Variants in DCTN5 observed in about 807,000 individuals in gnomAD.
DCTN5 encodes dynactin subunit 5.
A neutral mutation model predicts 23.5 loss-of-function variants in DCTN5; 14 were observed. The ratio of observed to expected loss-of-function variants is 0.60; its 90% confidence interval spans 0.39 to 0.93. The LOEUF is 0.93. Among genes scored for constraint, DCTN5 ranks in the 40% least tolerant of loss-of-function variants. The pLI is 0.00. For missense variants in DCTN5, 156 were observed against 225.9 expected, an observed-to-expected ratio of 0.69 and a Z score of 1.98; for synonymous variants, 67 against 79.6, an observed-to-expected ratio of 0.84 and a Z score of 0.84.
At chr16:23,646,874 C>A (rs1489837411) in intron 2 of DCTN5, among the ~76,000 whole-genome samples, 3 of 152,158 alleles carry the variant, frequency 2.0e-5, no homozygotes, top group Non-Finnish European at 4.4e-5. Flanking sequence ...CTGTACCCAG[C>A]TTGAGTAATT....
At position 23,665,627 on chromosome 16, in the gene DCTN5, G is replaced by GGC; in HGVS notation, c.353_354dup (p.Arg119AlafsTer5). On this transcript the variant is annotated frameshift_variant and splice_region_variant, in exon 5 of 6. Transcript: ENST00000300087. LOFTEE classifies it high-confidence loss of function. ...CTATTAACAAGATTTTAATTTCAGG[G>GGC]GCGCCGATGTGTGTTGAAAGACTGC... 6.2e-7 allele frequency: 1 copy of GGC among 1,610,590 alleles called. No homozygotes were observed. The highest frequency in any genetic ancestry group is 8.5e-7 in the Non-Finnish European group (1 of 1,179,244).
chr16:23,645,110 TATATATATATATATATATATATATATA>T lies in DCTN5; in HGVS notation c.117+2088_117+2114del, dbSNP rs1392021353. ...ATATATATATATATATATATATATA[TATATATATATATATATATATATATATA>T]TTTTTTTTTTTTTTAATACGCAGTT... On this transcript the variant is annotated intron_variant, in intron 2 of 5. Coordinates refer to ENST00000300087, the MANE Select transcript of DCTN5 (RefSeq NM_032486.4). Among the ~76,000 whole-genome samples, 109 of 39,550 alleles carry T rather than the reference TATATATATATATATATATATATATATA, an allele frequency of 2.8e-3. 4 individuals carry two copies. The highest frequency in any genetic ancestry group is 5.0e-3 in the African/African-American group (51 of 10,248). 25.9% of individuals were successfully genotyped at this position (39,550 alleles called of 152,430 possible).
At chr16:23,652,413 C>T (rs1967622530) in intron 2 of DCTN5, among the ~76,000 whole-genome samples, 1 of 152,184 alleles carries the variant, frequency 6.6e-6, no homozygotes, top group South Asian at 2.1e-4. Context: ...TCTTACCTCC[C>T]AACAGCCGAA....
chr16:23,660,845 T>A (rs899635469), intron 3 of DCTN5, among the ~76,000 whole-genome samples: 1 of 152,236 alleles, frequency 6.6e-6, no homozygotes, highest in Non-Finnish European at 1.5e-5. Context: ...AAAAATGTGA[T>A]CTGTGAGCAT....
chr16:23,648,344 C>CTTT (rs960786045), intron 2 of DCTN5, among the ~76,000 whole-genome samples: 27 of 105,512 alleles, frequency 2.6e-4, no homozygotes, highest in Non-Finnish European at 3.2e-4. Context: ...TTTCTTTTTT[C>CTTT]TTTTTTTTTT....
chr16:23,643,740 C>T (rs562421723), intron 2 of DCTN5, among the ~76,000 whole-genome samples: 2 of 152,002 alleles, frequency 1.3e-5, no homozygotes, highest in African/African-American at 2.4e-5. Flanking sequence ...ACTCTTAAAA[C>T]GAATGTGACA....
chr16:23,658,020 AGT>A (rs1162882221), intron 2 of DCTN5, among the ~76,000 whole-genome samples: 1 of 152,218 alleles, frequency 6.6e-6, no homozygotes, highest in African/African-American at 2.4e-5. Context: ...TACACTTTGC[AGT>A]GTAGCACTTA....
intron 5 of DCTN5, chr16:23,666,797 C>A: frequency 1.8e-6 from 1 of 543,468 alleles, no homozygotes; most frequent in African/African-American, 1.9e-5. Context: ...GGCCATTCTA[C>A]CGTGTCATGC....
chr16:23,669,024 G>A lies in DCTN5; in HGVS notation c.*1880G>A, dbSNP rs1443166115. ...TAGGAGTTTATAATTATGTGCTGATGTATTCGAAGATGTGTTGACAGTCGT... is the reference window on the plus strand; with the variant it reads ...TAGGAGTTTATAATTATGTGCTGATATATTCGAAGATGTGTTGACAGTCGT... On this transcript the variant is annotated 3_prime_UTR_variant, in exon 6 of 6. Coordinates refer to ENST00000300087, the MANE Select transcript of DCTN5 (RefSeq NM_032486.4). 6.6e-6 allele frequency: 1 copy of A among 152,642 alleles called. No individual in the cohort carries two copies. Among genetic ancestry groups the A allele is most frequent in the African/African-American group, 2.4e-5 (1 of 41,444 alleles). 9.5% of individuals were successfully genotyped at this position (152,642 alleles called of 1,614,324 possible). A position where few individuals can be genotyped will look rare whatever the true frequency, so the allele number is the denominator to read the frequency against.
chr16:23,652,370 C>T (rs751720797), intron 2 of DCTN5, among the ~76,000 whole-genome samples: 35 of 152,178 alleles, frequency 2.3e-4, no homozygotes, highest in Non-Finnish European at 4.4e-4. Context: ...TGGTAATCCT[C>T]ATAATTGCTT....
chr16:23,650,916 G>A lies in DCTN5; in HGVS notation c.118-7591G>A. 3 of 1,401,592 alleles carry A rather than the reference G, an allele frequency of 2.1e-6. No individual in the cohort carries two copies. The South Asian group carries it at 3.7e-5, about 17-fold the overall frequency. The allele number at this position is 1,401,592 out of a possible 1,614,324, so 86.8% of individuals were successfully genotyped here. On this transcript the variant is annotated intron_variant, in intron 2 of 5. Coordinates refer to ENST00000300087, the MANE Select transcript of DCTN5 (RefSeq NM_032486.4). ...TGACCAATCTAAGCCCAAGCTGGTT[G>A]TTACTGTGTGGGAATACAGGCCCAC... is the stretch of plus-strand genomic sequence containing the variant.
Position 23,677,346 on chromosome 16 carries a change from G to A in DCTN5, c.*10202G>A, listed in dbSNP as rs1369051121. 1.3e-5 allele frequency: 2 copies of A among 152,126 alleles called. No individual in the cohort carries two copies. The highest frequency in any genetic ancestry group is 4.1e-4 in the South Asian group (2 of 4,822). The allele number at this position is 152,126 out of a possible 1,614,324, so 9.4% of individuals were successfully genotyped here. A position where few individuals can be genotyped will look rare whatever the true frequency, so the allele number is the denominator to read the frequency against. ...ATGTTCCCTTTCTCAATCTGGGTGTGGTTTACAGATTTGTTCAGTTTGTGA... is the reference window on the plus strand; with the variant it reads ...ATGTTCCCTTTCTCAATCTGGGTGTAGTTTACAGATTTGTTCAGTTTGTGA... On this transcript the variant is annotated 3_prime_UTR_variant, in exon 6 of 6. Coordinates refer to ENST00000300087, the MANE Select transcript of DCTN5 (RefSeq NM_032486.4).
chr16:23,644,967 G>A (rs1597110931), intron 2 of DCTN5, among the ~76,000 whole-genome samples: 1 of 141,568 alleles, frequency 7.1e-6, no homozygotes. Flanking sequence ...TTTAGTAGAG[G>A]CAGGGTTTTG....
rs554159212 is a variant in DCTN5, at chr16:23,653,844, A to G, written c.118-4663A>G. Among the ~76,000 whole-genome samples, 112 of 152,348 alleles carry G rather than the reference A, an allele frequency of 7.4e-4. 1 individual carries two copies. The highest frequency in any genetic ancestry group is 2.5e-3 in the Admixed American group (39 of 15,298). The stretch of plus-strand genomic sequence containing the variant: ...ATCCAGCATCTAAAGGAATTAAACA[A>G]ATTTACAAGTAGAAAACAACCCCAT... On this transcript the variant is annotated intron_variant, in intron 2 of 5. Coordinates refer to ENST00000300087, the MANE Select transcript of DCTN5 (RefSeq NM_032486.4).
rs528310682 is a variant in DCTN5 at position 23,675,031 on chromosome 16, G to A, written c.*7887G>A. Reference sequence around the variant, plus strand: ...CATTTTAACTTAGTTACCTCTTCAGGGCCTATCTTCAAATATACTCACATT... The same window carrying A: ...CATTTTAACTTAGTTACCTCTTCAGAGCCTATCTTCAAATATACTCACATT... On this transcript the variant is annotated 3_prime_UTR_variant, in exon 6 of 6. Coordinates refer to ENST00000300087, the MANE Select transcript of DCTN5 (RefSeq NM_032486.4). 6.6e-6 allele frequency: 1 copy of A among 151,986 alleles called. No individual in the cohort carries two copies. The highest frequency in any genetic ancestry group is 6.6e-5 in the Admixed American group (1 of 15,262). 9.4% of individuals were successfully genotyped at this position (151,986 alleles called of 1,614,324 possible).
chr16:23,650,376 G>A (rs1326268365), intron 2 of DCTN5, among the ~76,000 whole-genome samples: 1 of 151,970 alleles, frequency 6.6e-6, no homozygotes, highest in Non-Finnish European at 1.5e-5. Flanking sequence ...CCAGGCTGGA[G>A]TGTAATGGTG....
chr16:23,657,506 T>C (rs1163280964), intron 2 of DCTN5: 1 of 430,228 alleles, frequency 2.3e-6, no homozygotes, highest in Admixed American at 2.5e-5. Flanking sequence ...AATGGCGCGA[T>C]CTCGGCTCAC....
At position 23,658,495 on chromosome 16, in the gene DCTN5, T is replaced by C; in HGVS notation, c.118-12T>C. 6.2e-7 allele frequency: 1 copy of C among 1,603,420 alleles called. No individual in the cohort carries two copies. Among genetic ancestry groups the C allele is most frequent in the Non-Finnish European group, 8.5e-7 (1 of 1,170,488 alleles). On this transcript the variant is annotated splice_polypyrimidine_tract_variant and intron_variant, in intron 2 of 5. Transcript: ENST00000300087. ...ATGTTGCTAATTTTTTAAAATTTGCTTCGTCTTACAGACCATTGTGATGAA... is the reference window on the plus strand; with the variant it reads ...ATGTTGCTAATTTTTTAAAATTTGCCTCGTCTTACAGACCATTGTGATGAA...
At chr16:23,658,401 A>G (rs1011747087) in intron 2 of DCTN5, 106 bp from the exon 3 acceptor site, 2 of 772,838 alleles carry the variant, frequency 2.6e-6, no homozygotes, top group Non-Finnish European at 4.5e-6. Flanking sequence ...ACATTCTGTC[A>G]GAGTGGATTG....
Sources: gnomAD v4.1 joint callset for allele counts (sites outside exome capture counted in the v4.1 genomes callset) on GRCh38, gnomAD v4.1.1 for gene constraint, MANE v1.5 for transcripts, NCBI Gene and HGNC (gene_info 2026-07-23, HGNC 2026-07-21) for gene names.